The following ABTB2 variants were observed in gnomAD, a reference collection of about 807,000 sequenced individuals.
ABTB2 encodes the protein ankyrin repeat and BTB/POZ domain-containing protein 2.
Under a neutral mutation model 104.1 loss-of-function variants are expected in ABTB2, and 56 were observed. The ratio of observed to expected loss-of-function variants is 0.54; its 90% CI spans 0.43 to 0.67. The LOEUF (loss-of-function observed/expected upper bound fraction) is 0.67. ABTB2 is among the 30% of genes least tolerant of loss of function. ABTB2 has a pLI of 0.00. For missense variants in ABTB2, 1,279 were observed against 1,407.7 expected (o/e 0.91, Z 1.46); for synonymous variants, 606 against 608.2 (o/e 1.00, Z 0.05).
intron 1 of ABTB2, among the ~76,000 whole-genome samples, chr11:34,325,762 C>T (rs1408386292): frequency 1.3e-5 from 2 of 151,788 alleles, no homozygotes; most frequent in Non-Finnish European, 2.9e-5. Flanking sequence ...ACCAGCCTGG[C>T]CAAAACAGCA....
At chr11:34,207,501 A>G (rs1446920608) in intron 1 of ABTB2, among the ~76,000 whole-genome samples, 2 of 152,352 alleles carry the variant, frequency 1.3e-5, no homozygotes, top group East Asian at 3.9e-4. Context: ...TTGCTTTTAA[A>G]TGACTTTTTA....
At chr11:34,351,659 T>C (rs950902893) in intron 1 of ABTB2, among the ~76,000 whole-genome samples, 5 of 152,240 alleles carry the variant, frequency 3.3e-5, no homozygotes, top group Admixed American at 6.5e-5. Context: ...TGGCGGGATC[T>C]ATCATTTGCC....
chr11:34,348,180 G>C (rs2133127493), intron 1 of ABTB2, among the ~76,000 whole-genome samples: 2 of 152,298 alleles, frequency 1.3e-5, no homozygotes, highest in South Asian at 4.1e-4. Flanking sequence ...TTACTGCTAG[G>C]ACAGCAGACG....
At chr11:34,281,951 T>A (rs1270046351) in intron 1 of ABTB2, among the ~76,000 whole-genome samples, 1 of 152,218 alleles carries the variant, frequency 6.6e-6, no homozygotes, top group Non-Finnish European at 1.5e-5. Flanking sequence ...TAATAGGCGA[T>A]GGATTACATA....
chr11:34,306,527 G>A (rs1348210387), intron 1 of ABTB2, among the ~76,000 whole-genome samples: 3 of 152,052 alleles, frequency 2.0e-5, no homozygotes, highest in East Asian at 3.9e-4. Flanking sequence ...GATTACAGGC[G>A]TGAGCCACTG....
intron 4 of ABTB2, 108 bp downstream of exon 4, chr11:34,173,047 C>T (rs1590206778): frequency 7.2e-7 from 1 of 1,387,996 alleles, no homozygotes; most frequent in African/African-American, 1.4e-5. Context: ...TGTGCTGCAG[C>T]CCCTGCTCTC....
chr11:34,261,594 A>G (rs1854190258), intron 1 of ABTB2, among the ~76,000 whole-genome samples: 1 of 152,152 alleles, frequency 6.6e-6, no homozygotes, highest in African/African-American at 2.4e-5. Flanking sequence ...ATAAATTAAT[A>G]GAAAGATAAG....
chr11:34,324,205 C>T (rs2133112683), intron 1 of ABTB2, among the ~76,000 whole-genome samples: 1 of 152,232 alleles, frequency 6.6e-6, no homozygotes, highest in Middle Eastern at 3.4e-3. Context: ...GCCACCATGC[C>T]CAGCTACTTT....
chr11:34,194,937 A>G (rs1471761360), intron 3 of ABTB2, among the ~76,000 whole-genome samples: 2 of 152,124 alleles, frequency 1.3e-5, no homozygotes, highest in African/African-American at 4.8e-5. Context: ...TGTGTCTACT[A>G]CCATGCAAGC....
At chr11:34,170,612 G>A (rs983500388) in intron 5 of ABTB2, among the ~76,000 whole-genome samples, 3 of 152,218 alleles carry the variant, frequency 2.0e-5, no homozygotes, top group Non-Finnish European at 1.5e-5. Context: ...CCTAGCTGGA[G>A]ATGAAGCTCA....
chr11:34,315,571 C>T (rs956928316), intron 1 of ABTB2, among the ~76,000 whole-genome samples: 3 of 152,152 alleles, frequency 2.0e-5, no homozygotes, highest in African/African-American at 7.2e-5. Context: ...TTCCCATTCT[C>T]CTCTCCTGGC....
In ABTB2 at chr11:34,357,709, G is replaced by T; in HGVS notation, c.-126C>A. ...CCCTCCTTCCTCTCTGCGTCGCGGGGCTCGGCGGCCGCATTGCCTGCCCGG... is the reference window on the plus strand; with the variant it reads ...CCCTCCTTCCTCTCTGCGTCGCGGGTCTCGGCGGCCGCATTGCCTGCCCGG... On this transcript the variant is annotated 5_prime_UTR_variant, in exon 1 of 17. Transcript: ENST00000435224. 1 of 1,116,060 alleles carries T rather than the reference G, an allele frequency of 9.0e-7. No homozygotes were observed. The highest frequency in any genetic ancestry group is 1.2e-6 in the Non-Finnish European group (1 of 851,832). 69.1% of individuals were successfully genotyped at this position (1,116,060 alleles called of 1,614,324 possible).
chr11:34,208,629 T>C (rs1335632510), intron 1 of ABTB2, among the ~76,000 whole-genome samples: 1 of 152,090 alleles, frequency 6.6e-6, no homozygotes, highest in Admixed American at 6.6e-5. Flanking sequence ...AACTTTTCTC[T>C]TTCTGCTTGC....
At chr11:34,240,877 G>T (rs1276906975) in intron 1 of ABTB2, among the ~76,000 whole-genome samples, 1 of 152,186 alleles carries the variant, frequency 6.6e-6, no homozygotes, top group Non-Finnish European at 1.5e-5. Context: ...TTACAGGTGT[G>T]AGCCACCGTA....
chr11:34,189,209 G>C (rs1411011611), intron 3 of ABTB2: 1 of 152,068 alleles, frequency 6.6e-6, no homozygotes, highest in African/African-American at 2.4e-5. Context: ...ACAATTAATC[G>C]ATCACAACCA....
chr11:34,185,938 T>C (rs1349860637), intron 3 of ABTB2, among the ~76,000 whole-genome samples: 2 of 152,186 alleles, frequency 1.3e-5, no homozygotes, highest in Non-Finnish European at 2.9e-5. Flanking sequence ...TTGTACCCCA[T>C]AAACATATAC....
chr11:34,236,885 T>C (rs1160076489), intron 1 of ABTB2, among the ~76,000 whole-genome samples: 1 of 152,200 alleles, frequency 6.6e-6, no homozygotes, highest in East Asian at 1.9e-4. Context: ...GGATTCGGAC[T>C]CTATTTTGGC....
intron 1 of ABTB2, among the ~76,000 whole-genome samples, chr11:34,302,187 C>T (rs572143763): frequency 1.3e-5 from 2 of 152,290 alleles, no homozygotes; most frequent in East Asian, 1.9e-4. Context: ...TTCTTGTCTC[C>T]ACCCTCTTCC....
chr11:34,156,159 A>G (rs1236270911), intron 14 of ABTB2, among the ~76,000 whole-genome samples: 2 of 152,274 alleles, frequency 1.3e-5, no homozygotes, highest in Non-Finnish European at 2.9e-5. Flanking sequence ...TGGTTTTGGC[A>G]AGGCCCAGTC....
Sources: allele counts gnomAD v4.1 joint callset (sites outside exome capture counted in the v4.1 genomes callset), GRCh38; gene constraint gnomAD v4.1.1; transcripts MANE v1.5; gene names NCBI Gene and HGNC (gene_info 2026-07-23, HGNC 2026-07-21).